The following TMEM163 variants were observed in gnomAD, a reference collection of about 807,000 sequenced individuals.
TMEM163 encodes transmembrane protein 163.
Under a neutral mutation model 29.3 loss-of-function variants are expected in TMEM163, and 17 were observed. That is an observed-to-expected ratio of 0.58 (90% confidence interval 0.40 to 0.87). The LOEUF (loss-of-function observed/expected upper bound fraction) is 0.87, where lower values mean the gene tolerates loss of function less well. Among genes scored for constraint, TMEM163 ranks in the 40% least tolerant of loss-of-function variants. TMEM163 has a pLI of 0.00. For missense variants in TMEM163, 303 were observed against 381.5 expected, an observed-to-expected ratio of 0.79 and a Z score of 1.71; for synonymous variants, 157 against 160.6, an observed-to-expected ratio of 0.98 and a Z score of 0.17.
At chr2:134,493,651 C>T (rs866285097) in intron 5 of TMEM163, among the ~76,000 whole-genome samples, 15 of 152,106 alleles carry the variant, frequency 9.9e-5, no homozygotes, top group Admixed American at 3.3e-4. Flanking sequence ...GGATTACAGG[C>T]GTGAGCCACT....
intron 5 of TMEM163, among the ~76,000 whole-genome samples, chr2:134,493,746 G>T (rs1165404223): frequency 6.6e-6 from 1 of 152,168 alleles, no homozygotes. Flanking sequence ...TCTTCTAGAA[G>T]TTGTATAGTT....
chr2:134,569,063 T>C (rs1177886625), intron 2 of TMEM163, among the ~76,000 whole-genome samples: 1 of 152,236 alleles, frequency 6.6e-6, no homozygotes, highest in African/African-American at 2.4e-5. Flanking sequence ...GAGCTGTGTT[T>C]TTGACATTCT....
intron 2 of TMEM163, among the ~76,000 whole-genome samples, chr2:134,595,310 T>A (rs1682048420): frequency 6.6e-6 from 1 of 151,984 alleles, no homozygotes; most frequent in Non-Finnish European, 1.5e-5. Flanking sequence ...TTCCCCTTCC[T>A]GTGTCCAAGT....
chr2:134,658,366 T>C (rs563887931), intron 2 of TMEM163, among the ~76,000 whole-genome samples: 1 of 152,340 alleles, frequency 6.6e-6, no homozygotes, highest in East Asian at 1.9e-4. Flanking sequence ...TGTGAGGTTT[T>C]GTTTAAATGA....
chr2:134,671,619 C>T (rs1683998478), intron 2 of TMEM163, among the ~76,000 whole-genome samples: 2 of 152,202 alleles, frequency 1.3e-5, no homozygotes, highest in African/African-American at 4.8e-5. Flanking sequence ...TTCTTCCCAC[C>T]ACTGGCTATG....
chr2:134,660,519 G>A (rs58258503), intron 2 of TMEM163, among the ~76,000 whole-genome samples: 12,877 of 152,246 alleles, frequency 0.085, 619 homozygotes, highest in South Asian at 0.17. Context: ...ACTTTGAAAG[G>A]AAACTTTTTT....
At chr2:134,652,942 T>C in intron 2 of TMEM163, among the ~76,000 whole-genome samples, 1 of 81,680 alleles carries the variant, frequency 1.2e-5, no homozygotes, top group East Asian at 2.5e-4. Flanking sequence ...GCTGGATTCG[T>C]TTTGCCAGTA....
At chr2:134,604,972 G>A (rs1435233706) in intron 2 of TMEM163, among the ~76,000 whole-genome samples, 5 of 152,154 alleles carry the variant, frequency 3.3e-5, no homozygotes, top group African/African-American at 1.2e-4. Context: ...CAGAGGTCGG[G>A]ATTTCGAGAT....
At chr2:134,484,355 A>G (rs1679267258) in intron 5 of TMEM163, among the ~76,000 whole-genome samples, 1 of 152,188 alleles carries the variant, frequency 6.6e-6, no homozygotes, top group Non-Finnish European at 1.5e-5. Context: ...GGATTATTAG[A>G]ATGGCATTAG....
intron 2 of TMEM163, among the ~76,000 whole-genome samples, chr2:134,637,016 G>A (rs951828131): frequency 1.3e-5 from 2 of 152,162 alleles, no homozygotes; most frequent in African/African-American, 4.8e-5. Flanking sequence ...TGAATGCTTG[G>A]AAAGACTGAT....
At chr2:134,521,267 G>A (rs906623507) in intron 4 of TMEM163, among the ~76,000 whole-genome samples, 16 of 152,110 alleles carry the variant, frequency 1.1e-4, no homozygotes, top group Non-Finnish European at 1.9e-4. Flanking sequence ...AAAGTGCTGC[G>A]ATTACAGGCA....
At chr2:134,466,411 A>G (rs1223627876) in intron 5 of TMEM163, 186 bp from the exon 6 acceptor site, 1 of 568,976 alleles carries the variant, frequency 1.8e-6, no homozygotes, top group East Asian at 2.9e-5. Flanking sequence ...AAAGATGCTC[A>G]AAAACAGATA....
chr2:134,592,863 A>AATGTAG (rs1199901164), intron 2 of TMEM163, among the ~76,000 whole-genome samples: 2 of 41,646 alleles, frequency 4.8e-5, no homozygotes, highest in African/African-American at 2.3e-4. Flanking sequence ...TACAGATATT[A>AATGTAG]ATATAGAGAT....
At chr2:134,616,812 G>A (rs1484570894) in intron 2 of TMEM163, among the ~76,000 whole-genome samples, 2 of 151,930 alleles carry the variant, frequency 1.3e-5, no homozygotes, top group African/African-American at 4.8e-5. Context: ...TATCTTTTTT[G>A]CAAATTCTTA....
intron 2 of TMEM163, among the ~76,000 whole-genome samples, chr2:134,676,479 T>A (rs935840550): frequency 6.6e-6 from 1 of 152,126 alleles, no homozygotes; most frequent in Non-Finnish European, 1.5e-5. Context: ...AATATTCATA[T>A]TTTTTAACAT....
chr2:134,629,872 G>A (rs920100625), intron 2 of TMEM163, among the ~76,000 whole-genome samples: 19 of 152,144 alleles, frequency 1.2e-4, no homozygotes, highest in Admixed American at 8.5e-4. Flanking sequence ...AAGAGTTGAC[G>A]GACAAACTGA....
At chr2:134,543,921 T>G (rs1191933217) in intron 4 of TMEM163, among the ~76,000 whole-genome samples, 1 of 152,134 alleles carries the variant, frequency 6.6e-6, no homozygotes, top group Non-Finnish European at 1.5e-5. Context: ...GGAGGTACAT[T>G]GGAACAGGAG....
chr2:134,594,369 T>C (rs1682013194), intron 2 of TMEM163, among the ~76,000 whole-genome samples: 1 of 152,196 alleles, frequency 6.6e-6, no homozygotes, highest in Non-Finnish European at 1.5e-5. Flanking sequence ...TGGACTTTAC[T>C]GTGAGTTTCC....
chr2:134,708,686 G>A (rs768014274), intron 2 of TMEM163, among the ~76,000 whole-genome samples: 1 of 151,772 alleles, frequency 6.6e-6, no homozygotes, highest in Non-Finnish European at 1.5e-5. Context: ...TCCTGGATTC[G>A]AGCAATTCTC....
Sources: allele counts gnomAD v4.1 joint callset (sites outside exome capture counted in the v4.1 genomes callset), GRCh38; gene constraint gnomAD v4.1.1; transcripts MANE v1.5; gene names NCBI Gene and HGNC (gene_info 2026-07-23, HGNC 2026-07-21).